The following RUNX1 variants were observed in gnomAD, a reference collection of about 807,000 sequenced individuals.
RUNX1 encodes the protein RUNX family transcription factor 1.
RUNX1 carries 19 observed loss-of-function variants against 42.8 expected under a neutral mutation model. The ratio of observed to expected loss-of-function variants is 0.44; its 90% CI spans 0.31 to 0.65. RUNX1 has a LOEUF of 0.65. RUNX1 is among the 30% of genes least tolerant of loss of function. The pLI, the probability that RUNX1 is intolerant of heterozygous loss-of-function variation, is 0.07. For missense variants in RUNX1, 528 were observed against 672.0 expected (o/e 0.79, Z 2.37); for synonymous variants, 271 against 289.4 (o/e 0.94, Z 0.64).
intron 2 of RUNX1, among the ~76,000 whole-genome samples, chr21:34,965,545 G>T (rs933475076): frequency 1.3e-5 from 2 of 152,066 alleles, no homozygotes; most frequent in African/African-American, 4.8e-5. Context: ...GAGAAAAAAA[G>T]CTTTTCCCAT....
rs142566145 is a variant in RUNX1, at chr21:34,830,231, T to C, written c.805+4179A>G. 6.5e-3 allele frequency among the ~76,000 whole-genome samples: 996 copies of C among 152,286 alleles called. 13 individuals carry two copies. Among genetic ancestry groups the C allele is most frequent in the African/African-American group, 0.023 (936 of 41,554 alleles). ...TGATAAGCACTTGGTCCCAATGAAC[T>C]TCAAAAGTAGGAAGGCAATGGCCCC... On this transcript the variant is annotated intron_variant, in intron 7 of 8. Coordinates refer to ENST00000675419, the MANE Select transcript of RUNX1 (RefSeq NM_001754.5).
intron 5 of RUNX1, among the ~76,000 whole-genome samples, chr21:34,873,566 G>C (rs1016231080): frequency 6.6e-6 from 1 of 152,212 alleles, no homozygotes; most frequent in African/African-American, 2.4e-5. Context: ...CAGAGGAAAC[G>C]CATTTTCAGT....
At chr21:35,024,671 T>G (rs959428290) in intron 2 of RUNX1, among the ~76,000 whole-genome samples, 1 of 152,232 alleles carries the variant, frequency 6.6e-6, no homozygotes, top group Non-Finnish European at 1.5e-5. Context: ...GCTTTTATTT[T>G]CTTTTTAACT....
At chr21:34,877,056 A>G (rs2057824604) in intron 5 of RUNX1, among the ~76,000 whole-genome samples, 1 of 152,080 alleles carries the variant, frequency 6.6e-6, no homozygotes, top group African/African-American at 2.4e-5. Context: ...TGGCGGTGTC[A>G]CCATGTTGGC....
At chr21:34,934,641 A>T (rs1271651257) in intron 2 of RUNX1, among the ~76,000 whole-genome samples, 1 of 152,176 alleles carries the variant, frequency 6.6e-6, no homozygotes, top group African/African-American at 2.4e-5. Flanking sequence ...GGGGCATTAA[A>T]ACCATTCCAG....
chr21:34,956,326 GA>G (rs2058643695), intron 2 of RUNX1, among the ~76,000 whole-genome samples: 1 of 152,184 alleles, frequency 6.6e-6, no homozygotes, highest in African/African-American at 2.4e-5. Context: ...GAATTTACCT[GA>G]AAATTCACTC....
chr21:34,846,856 T>C (rs1218195356), intron 6 of RUNX1, among the ~76,000 whole-genome samples: 2 of 152,200 alleles, frequency 1.3e-5, no homozygotes, highest in African/African-American at 4.8e-5. Context: ...CCCGGCAGCA[T>C]GTCAGCAAAT....
In RUNX1 at chr21:34,907,039, G is replaced by C. The variant is rs928895182; in HGVS notation, c.59-14076C>G. Among the ~76,000 whole-genome samples, 3 of 152,154 alleles carry C rather than the reference G, an allele frequency of 2.0e-5. No homozygotes were observed. The highest frequency in any genetic ancestry group is 4.8e-5 in the African/African-American group (2 of 41,442). On this transcript the variant is annotated intron_variant, in intron 2 of 8. Coordinates refer to ENST00000675419, the MANE Select transcript of RUNX1 (RefSeq NM_001754.5). The surrounding 1 kb of genome is among the most constrained non-coding windows in gnomAD (Gnocchi z 5.3). ...AGTGTACAATGCAAATAGGTGTTTT[G>C]ATATTGTCATTAGTATTCATTATTC...
At chr21:34,864,961 T>C (rs1601483322) in intron 5 of RUNX1, among the ~76,000 whole-genome samples, 1 of 152,148 alleles carries the variant, frequency 6.6e-6, no homozygotes, top group African/African-American at 2.4e-5. Context: ...GCAACCTACT[T>C]AGGTTCAAAA....
intron 2 of RUNX1, among the ~76,000 whole-genome samples, chr21:34,902,331 G>A (rs1256214837): frequency 1.3e-5 from 2 of 152,306 alleles, no homozygotes; most frequent in East Asian, 3.9e-4. Context: ...TGGTGAGCTG[G>A]TAGAGCAGTA....
intron 5 of RUNX1, among the ~76,000 whole-genome samples, chr21:34,861,646 G>C (rs956414638): frequency 2.0e-5 from 3 of 151,986 alleles, no homozygotes; most frequent in African/African-American, 7.2e-5. Context: ...TGCACCCTCC[G>C]AGTTCTACCC....
intron 2 of RUNX1, among the ~76,000 whole-genome samples, chr21:34,940,163 AT>A (rs1426990007): frequency 6.6e-6 from 1 of 152,164 alleles, no homozygotes; most frequent in Non-Finnish European, 1.5e-5. Context: ...TGAGAAAAAA[AT>A]GCCAGAAAGT....
chr21:34,837,146 G>T (rs540853647), intron 6 of RUNX1, among the ~76,000 whole-genome samples: 2 of 152,228 alleles, frequency 1.3e-5, no homozygotes, highest in Non-Finnish European at 2.9e-5. Context: ...TGCTTTAGCA[G>T]AAGTGTTCAG....
intron 2 of RUNX1, among the ~76,000 whole-genome samples, chr21:35,044,130 C>T (rs1023718774): frequency 6.6e-6 from 1 of 152,218 alleles, no homozygotes. Context: ...GGAAGGCTGA[C>T]CTGCTGGTGA....
At chr21:34,869,956 A>C in intron 5 of RUNX1, among the ~76,000 whole-genome samples, 1 of 152,236 alleles carries the variant, frequency 6.6e-6, no homozygotes, top group Non-Finnish European at 1.5e-5. Context: ...ATGTTTGGAC[A>C]AAAGAGTTGG....
At chr21:34,887,354 C>T in intron 3 of RUNX1, 1 of 1,435,894 alleles carries the variant, frequency 7.0e-7, no homozygotes, top group South Asian at 1.5e-5. Flanking sequence ...GGGCTCCTAG[C>T]AACCGATTGC....
chr21:34,909,199 C>G (rs748315219), intron 2 of RUNX1, among the ~76,000 whole-genome samples: 3 of 152,076 alleles, frequency 2.0e-5, no homozygotes, highest in African/African-American at 7.2e-5. Flanking sequence ...TGTTCACTCC[C>G]GTGTGCAGTC....
chr21:34,821,789 C>T (rs978203933), intron 7 of RUNX1: 18 of 1,077,758 alleles, frequency 1.7e-5, no homozygotes, highest in Admixed American at 8.3e-5. Context: ...TACCCCAAGG[C>T]GTGAAAGAAT....
intron 7 of RUNX1, among the ~76,000 whole-genome samples, chr21:34,819,323 T>C (rs756682453): frequency 2.0e-5 from 3 of 152,208 alleles, no homozygotes; most frequent in Non-Finnish European, 4.4e-5. Context: ...GGTCATGACA[T>C]GGCAAGAGCC....
Sources: gnomAD v4.1 joint callset for allele counts (sites outside exome capture counted in the v4.1 genomes callset) on GRCh38, gnomAD v4.1.1 for gene constraint, Gnocchi (gnomAD v3.1) non-coding constraint, MANE v1.5 for transcripts, NCBI Gene and HGNC (gene_info 2026-07-23, HGNC 2026-07-21) for gene names.